The following DOCK3 variants were observed in gnomAD, a reference collection of about 807,000 sequenced individuals.
DOCK3 encodes the protein dedicator of cytokinesis protein 3.
In DOCK3, 60 loss-of-function variants were observed where a neutral mutation model predicts 265.6. That is an observed-to-expected ratio of 0.23 (90% CI 0.18 to 0.28). The LOEUF (loss-of-function observed/expected upper bound fraction) is 0.28. DOCK3 is among the 10% of genes least tolerant of loss of function. The pLI is 1.00. For missense variants in DOCK3, 1,981 were observed against 2,594.3 expected (o/e 0.76, Z 5.14); for synonymous variants, 881 against 938.0 (o/e 0.94, Z 1.11).
intron 5 of DOCK3, among the ~76,000 whole-genome samples, chr3:50,966,833 AG>A (rs2077047993): frequency 1.3e-5 from 2 of 152,152 alleles, no homozygotes. Flanking sequence ...GTACAAGCCC[AG>A]GTTGGAAACA....
intron 5 of DOCK3, among the ~76,000 whole-genome samples, chr3:50,959,572 A>ATTT (rs1310178516): frequency 8.9e-5 from 13 of 146,368 alleles, no homozygotes; most frequent in African/African-American, 1.3e-4. Flanking sequence ...ATATATATAA[A>ATTT]ATTTATTTAT....
chr3:51,075,517 G>A (rs2082028773), intron 7 of DOCK3, 77 bp downstream of exon 7: 1 of 1,245,706 alleles, frequency 8.0e-7, no homozygotes, highest in Non-Finnish European at 1.1e-6. Flanking sequence ...CTAATGTTAT[G>A]AAACAACATT....
At chr3:51,102,504 A>AAAAAC (rs2083125675) in intron 9 of DOCK3, among the ~76,000 whole-genome samples, 1 of 152,234 alleles carries the variant, frequency 6.6e-6, no homozygotes, top group Non-Finnish European at 1.5e-5. Context: ...AATGATGTTT[A>AAAAAC]AAAACAAAGT....
chr3:51,363,557 T>C (rs1443971583), intron 49 of DOCK3, among the ~76,000 whole-genome samples: 1 of 152,264 alleles, frequency 6.6e-6, no homozygotes, highest in African/African-American at 2.4e-5. Flanking sequence ...TTACTATGTA[T>C]ACATGTGCCA....
At chr3:51,146,819 A>C (rs766260658) in intron 10 of DOCK3, among the ~76,000 whole-genome samples, 189 bp downstream of exon 10, 2 of 152,250 alleles carry the variant, frequency 1.3e-5, no homozygotes, top group African/African-American at 2.4e-5. Flanking sequence ...ATACAGTTTT[A>C]AACTTAATTT....
intron 2 of DOCK3, among the ~76,000 whole-genome samples, chr3:50,802,133 T>A (rs2043104883): frequency 1.3e-5 from 2 of 152,164 alleles, no homozygotes. Flanking sequence ...GGGTCTTTCT[T>A]TTTTATCCAT....
intron 3 of DOCK3, among the ~76,000 whole-genome samples, chr3:50,842,946 C>T (rs1005981254): frequency 1.1e-4 from 16 of 152,012 alleles, no homozygotes; most frequent in Non-Finnish European, 1.9e-4. Context: ...TGGTCTTGGC[C>T]ACCTCCCACT....
chr3:50,818,537 A>G (rs567115618), intron 2 of DOCK3, among the ~76,000 whole-genome samples: 1 of 152,318 alleles, frequency 6.6e-6, no homozygotes, highest in East Asian at 1.9e-4. Flanking sequence ...CTGTCTGCCT[A>G]CAAGAAGTGC....
chr3:50,984,279 C>G (rs1194490709), intron 5 of DOCK3, among the ~76,000 whole-genome samples: 1 of 152,190 alleles, frequency 6.6e-6, no homozygotes, highest in Non-Finnish European at 1.5e-5. Flanking sequence ...GTAACAGTAA[C>G]ATTTGAGTTC....
rs1491165770 is a variant in DOCK3, at chr3:51,016,044, ATG to A, written c.316-48403_316-48402del. 1.6e-4 allele frequency among the ~76,000 whole-genome samples: 2 copies of A among 12,770 alleles called. 1 individual carries two copies. Among genetic ancestry groups the A allele is most frequent in the African/African-American group, 1.1e-3 (2 of 1,850 alleles). The allele number at this position is 12,770 out of a possible 152,430, so 8.4% of individuals were successfully genotyped here. On this transcript the variant is annotated intron_variant, in intron 5 of 52. Coordinates refer to ENST00000266037, the MANE Select transcript of DOCK3 (RefSeq NM_004947.5). ...TAATATATATCATATATTTCTACAT[ATG>A]ATATATATCATATATTTCTACATAA... is the stretch of plus-strand genomic sequence containing the variant.
chr3:51,110,211 G>A (rs1264069463), intron 9 of DOCK3, among the ~76,000 whole-genome samples: 3 of 152,008 alleles, frequency 2.0e-5, no homozygotes, highest in African/African-American at 4.8e-5. Context: ...ATAAGCTCTA[G>A]ACCAGACGGA....
chr3:51,059,263 G>T (rs1247425247), intron 5 of DOCK3, among the ~76,000 whole-genome samples: 1 of 151,854 alleles, frequency 6.6e-6, no homozygotes, highest in Admixed American at 6.6e-5. Flanking sequence ...CATTCACGAG[G>T]GCTTGGCCCT....
intron 29 of DOCK3, 147 bp downstream of exon 29, chr3:51,312,226 C>A (rs1303597943): frequency 8.7e-6 from 7 of 802,430 alleles, no homozygotes; most frequent in Non-Finnish European, 1.4e-5. Flanking sequence ...CCTGGGATAC[C>A]CCTGTTGGAA....
chr3:51,091,315 GTA>G (rs2082628080), intron 9 of DOCK3, among the ~76,000 whole-genome samples: 1 of 152,142 alleles, frequency 6.6e-6, no homozygotes, highest in African/African-American at 2.4e-5. Context: ...GTGAGAGTGT[GTA>G]TGTGTGTGTA....
At chr3:51,191,554 T>C (rs570952519) in intron 12 of DOCK3, among the ~76,000 whole-genome samples, 29 of 152,146 alleles carry the variant, frequency 1.9e-4, no homozygotes, top group African/African-American at 6.0e-4. Context: ...GTGGTGTATA[T>C]CCTAGAGGCA....
chr3:50,998,727 T>C (rs966429533), intron 5 of DOCK3, among the ~76,000 whole-genome samples: 1 of 152,224 alleles, frequency 6.6e-6, no homozygotes, highest in African/African-American at 2.4e-5. Context: ...AATGTAAATA[T>C]TATGTTATGG....
At chr3:51,206,217 T>C (rs1223538469) in intron 12 of DOCK3, among the ~76,000 whole-genome samples, 3 of 152,182 alleles carry the variant, frequency 2.0e-5, no homozygotes, top group Admixed American at 2.0e-4. Context: ...GATGGCAAAG[T>C]TTTAATTAGC....
At chr3:51,291,130 A>T (rs1032850029) in intron 27 of DOCK3, among the ~76,000 whole-genome samples, 3 of 152,164 alleles carry the variant, frequency 2.0e-5, no homozygotes, top group African/African-American at 7.2e-5. Context: ...AAACATATCA[A>T]ATCTTACAGA....
At chr3:51,046,910 A>G (rs1169885246) in intron 5 of DOCK3, among the ~76,000 whole-genome samples, 2 of 152,326 alleles carry the variant, frequency 1.3e-5, no homozygotes, top group African/African-American at 4.8e-5. Flanking sequence ...TTACAAATAC[A>G]TGGAAATTAA....
Sources: gnomAD v4.1 joint callset for allele counts (sites outside exome capture counted in the v4.1 genomes callset) on GRCh38, gnomAD v4.1.1 for gene constraint, MANE v1.5 for transcripts, NCBI Gene and HGNC (gene_info 2026-07-23, HGNC 2026-07-21) for gene names.